CHRM3: variants seen among roughly 807,000 people sequenced by gnomAD.
CHRM3 encodes cholinergic receptor muscarinic 3.
A neutral mutation model predicts 41.8 loss-of-function variants in CHRM3; 11 were observed. That is an observed-to-expected ratio of 0.26 (90% CI 0.17 to 0.44). CHRM3 has a LOEUF of 0.44. CHRM3 is among the 20% of genes least tolerant of loss of function. CHRM3 has a pLI of 1.00. For missense variants in CHRM3, 571 were observed against 745.4 expected (o/e 0.77, Z 2.72); for synonymous variants, 297 against 301.4 (o/e 0.99, Z 0.15).
rs942398190 is a variant in CHRM3, at chr1:239,589,654, A to G, written c.-312-42570A>G. Among the ~76,000 whole-genome samples the G allele has an allele frequency of 2.1e-3, 302 of 145,002 alleles. 1 individual carries two copies. The highest frequency in any genetic ancestry group is 7.2e-3 in the African/African-American group (288 of 40,154). On this transcript the variant is annotated intron_variant, in intron 3 of 6. Transcript: ENST00000676153. The stretch of plus-strand genomic sequence containing the variant: ...TATAAAAAACTATATATATATATAT[A>G]TATATATATATATATAGTTTTATGT...
chr1:239,517,934 C>T (rs942728329), intron 2 of CHRM3, among the ~76,000 whole-genome samples: 2 of 152,038 alleles, frequency 1.3e-5, no homozygotes, highest in Admixed American at 6.5e-5. Context: ...GGTGAAACCC[C>T]GTGTCTACTA....
At chr1:239,419,338 T>G (rs182021461) in intron 1 of CHRM3, among the ~76,000 whole-genome samples, 1 of 151,886 alleles carries the variant, frequency 6.6e-6, no homozygotes, top group East Asian at 1.9e-4. Context: ...TATAGTCGTT[T>G]TATTACTAAC....
chr1:239,602,127 T>TATATATATAC (rs1553337690), intron 3 of CHRM3, among the ~76,000 whole-genome samples: 8,066 of 132,430 alleles, frequency 0.061, 273 homozygotes, highest in Middle Eastern at 0.098. Flanking sequence ...TATATATATA[T>TATATATATAC]ATATATATAT....
chr1:239,405,915 A>ACT (rs1660555968), intron 1 of CHRM3, among the ~76,000 whole-genome samples: 1 of 151,636 alleles, frequency 6.6e-6, no homozygotes, highest in African/African-American at 2.4e-5. Flanking sequence ...ACGGAGTATC[A>ACT]CTCTATCATC....
At chr1:239,855,252 C>T (rs1478044400) in intron 6 of CHRM3, among the ~76,000 whole-genome samples, 2 of 152,110 alleles carry the variant, frequency 1.3e-5, no homozygotes, top group East Asian at 3.8e-4. Context: ...CATGCATTCC[C>T]AAAAGCATTT....
chr1:239,765,450 T>G (rs1667126422), intron 5 of CHRM3, among the ~76,000 whole-genome samples: 1 of 152,234 alleles, frequency 6.6e-6, no homozygotes, highest in Non-Finnish European at 1.5e-5. Context: ...GCTAATTGTT[T>G]ATAGCAACAG....
At chr1:239,787,703 G>C (rs2148839863) in intron 5 of CHRM3, among the ~76,000 whole-genome samples, 1 of 152,260 alleles carries the variant, frequency 6.6e-6, no homozygotes, top group Admixed American at 6.5e-5. Context: ...ATGAGAATAA[G>C]CGTGAGAATC....
chr1:239,671,825 T>C (rs1261146117), intron 4 of CHRM3, among the ~76,000 whole-genome samples: 7 of 152,108 alleles, frequency 4.6e-5, no homozygotes, highest in Non-Finnish European at 8.8e-5. Context: ...AAAACTCAAG[T>C]CAGAATGTAT....
intron 4 of CHRM3, among the ~76,000 whole-genome samples, chr1:239,657,446 C>T (rs1174173998): frequency 2.0e-5 from 3 of 152,134 alleles, no homozygotes; most frequent in Admixed American, 2.0e-4. Flanking sequence ...CAACTAAGTA[C>T]TCTGCCAAAA....
rs1349294553 is a variant in CHRM3 at position 239,652,500 on chromosome 1, G to C, written c.-250+20214G>C. Among the ~76,000 whole-genome samples, 4 of 152,146 alleles carry C rather than the reference G, an allele frequency of 2.6e-5. No homozygotes were observed. In the East Asian group the frequency reaches 5.8e-4, roughly 22 times the overall value. On this transcript the variant is annotated intron_variant, in intron 4 of 6. Coordinates refer to ENST00000676153, the MANE Select transcript of CHRM3 (RefSeq NM_001375978.1). ...GTGTTTATGTAGTGCCTACCTGTTA[G>C]TAACTGTTCAATAATTTTACCTGTT...
rs1192876962 is a variant in CHRM3, at chr1:239,871,221, T to C, written c.-19-36212T>C. On this transcript the variant is annotated intron_variant, in intron 6 of 6. Transcript: ENST00000676153. ...TGCACTATATCCTGTGTATAGGGTA[T>C]AGGGTATAGGATTGCCATATTATTA... Among the ~76,000 whole-genome samples the C allele has an allele frequency of 3.9e-5, 6 of 152,224 alleles. No homozygotes were observed. In the East Asian group the frequency reaches 9.7e-4, roughly 24 times the overall value.
chr1:239,859,012 G>A (rs1418081384), intron 6 of CHRM3, among the ~76,000 whole-genome samples: 1 of 152,106 alleles, frequency 6.6e-6, no homozygotes, highest in African/African-American at 2.4e-5. Context: ...AATTTGAGTT[G>A]CTTCCACCTT....
At chr1:239,755,375 A>T (rs2148608817) in intron 5 of CHRM3, among the ~76,000 whole-genome samples, 1 of 152,338 alleles carries the variant, frequency 6.6e-6, no homozygotes, top group East Asian at 1.9e-4. Flanking sequence ...TATCTAGGGC[A>T]TAGTAAAAGC....
At chr1:239,689,359 C>T (rs1325780348) in intron 5 of CHRM3, among the ~76,000 whole-genome samples, 1 of 151,816 alleles carries the variant, frequency 6.6e-6, no homozygotes. Flanking sequence ...TGAGTACTTC[C>T]TTTGTGCACG....
intron 5 of CHRM3, among the ~76,000 whole-genome samples, chr1:239,750,946 G>A (rs1450409549): frequency 2.0e-5 from 3 of 152,150 alleles, no homozygotes; most frequent in African/African-American, 7.2e-5. Flanking sequence ...GAGAAAAGGA[G>A]TCCAGGTGAG....
intron 5 of CHRM3, among the ~76,000 whole-genome samples, chr1:239,698,154 G>T (rs904176465): frequency 2.0e-5 from 3 of 152,124 alleles, no homozygotes; most frequent in Non-Finnish European, 2.9e-5. Context: ...GGCATTAAAA[G>T]GTAATTATTA....
chr1:239,536,463 AAG>A (rs1261712030), intron 2 of CHRM3, among the ~76,000 whole-genome samples: 3 of 152,174 alleles, frequency 2.0e-5, no homozygotes, highest in Non-Finnish European at 4.4e-5. Flanking sequence ...ATCAATTCCA[AAG>A]ACTAAGGACA....
At chr1:239,462,996 C>T (rs1435843560) in intron 1 of CHRM3, among the ~76,000 whole-genome samples, 1 of 152,148 alleles carries the variant, frequency 6.6e-6, no homozygotes, top group Non-Finnish European at 1.5e-5. Flanking sequence ...CTAGAAAAGG[C>T]AGTTTACTTT....
intron 4 of CHRM3, among the ~76,000 whole-genome samples, chr1:239,650,335 C>G (rs551937620): frequency 6.6e-6 from 1 of 152,228 alleles, no homozygotes; most frequent in African/African-American, 2.4e-5. Context: ...TAGTATTTCA[C>G]TGCTCTAAGC....
Sources: gnomAD v4.1 joint callset for allele counts (sites outside exome capture counted in the v4.1 genomes callset) on GRCh38, gnomAD v4.1.1 for gene constraint, MANE v1.5 for transcripts, NCBI Gene and HGNC (gene_info 2026-07-23, HGNC 2026-07-21) for gene names.